Variants in PCDHA12 observed in about 807,000 individuals in gnomAD.
The protein encoded by PCDHA12 is protocadherin alpha 12, also known as protocadherin alpha-12.
PCDHA12 carries 44 observed loss-of-function variants against 60.0 expected under a neutral mutation model. The observed-to-expected ratio is 0.73, with a 90% CI of 0.58 to 0.94. The LOEUF (loss-of-function observed/expected upper bound fraction) is 0.94, where lower values mean the gene tolerates loss of function less well. Ranked by LOEUF, PCDHA12 falls within the 40% of genes least tolerant of loss-of-function variation. The pLI is 0.00. For synonymous variants in PCDHA12, 569 were observed against 553.0 expected (o/e 1.03, Z -0.40); for missense variants, 1,276 against 1,239.7 (o/e 1.03, Z -0.44).
intron 3 of PCDHA12, among the ~76,000 whole-genome samples, chr5:140,990,570 C>T (rs142596715): frequency 7.2e-4 from 110 of 152,260 alleles, no homozygotes; most frequent in African/African-American, 2.4e-3. Context: ...CACACCTGTT[C>T]GATCTCTTTT....
intron 3 of PCDHA12, among the ~76,000 whole-genome samples, chr5:140,990,611 G>A (rs577900189): frequency 6.6e-6 from 1 of 152,116 alleles, no homozygotes; most frequent in Non-Finnish European, 1.5e-5. Context: ...GATGAATACC[G>A]TAAAGGTCTG....
Position 140,875,321 on chromosome 5 carries a change from TC to T in PCDHA12, c.-151del. On this transcript the variant is annotated 5_prime_UTR_variant, in exon 1 of 4. Coordinates refer to ENST00000398631, the MANE Select transcript of PCDHA12 (RefSeq NM_018903.4). ...TTCTCCGCACCCACATTCCAATCAT[TC>T]ACGGAATAGGATCGACTCCATAATG... 1.4e-6 allele frequency: 2 copies of T among 1,427,980 alleles called. No individual in the cohort carries two copies. The highest frequency in any genetic ancestry group is 1.8e-6 in the Non-Finnish European group (2 of 1,094,282). 88.5% of individuals were successfully genotyped at this position (1,427,980 alleles called of 1,614,324 possible). A position where few individuals can be genotyped will look rare whatever the true frequency, so the allele number is the denominator to read the frequency against.
chr5:140,892,901 C>G (rs994625869), intron 1 of PCDHA12, among the ~76,000 whole-genome samples: 1 of 152,196 alleles, frequency 6.6e-6, no homozygotes, highest in African/African-American at 2.4e-5. Flanking sequence ...CTTTCCCCAT[C>G]CTCCTTTTCC....
At chr5:140,980,684 G>GA (rs782726576) in intron 2 of PCDHA12, among the ~76,000 whole-genome samples, 3,276 of 145,132 alleles carry the variant, frequency 0.023, 40 homozygotes, top group Middle Eastern at 0.066. Flanking sequence ...TTTTCAAATT[G>GA]AAAAAAAAAA....
intron 1 of PCDHA12, among the ~76,000 whole-genome samples, chr5:140,936,049 C>A (rs1185871662): frequency 1.3e-5 from 2 of 151,974 alleles, no homozygotes; most frequent in African/African-American, 2.4e-5. Context: ...CCCACCACCA[C>A]ACCCGGCTAA....
intron 1 of PCDHA12, among the ~76,000 whole-genome samples, chr5:140,964,205 T>C (rs1483183685): frequency 6.6e-6 from 1 of 152,212 alleles, no homozygotes; most frequent in Admixed American, 6.5e-5. Context: ...TACCATCTCT[T>C]TAGTACAATG....
intron 1 of PCDHA12, among the ~76,000 whole-genome samples, chr5:140,903,212 A>G (rs1387552422): frequency 6.6e-6 from 1 of 152,192 alleles, no homozygotes; most frequent in African/African-American, 2.4e-5. Context: ...CACCACATTC[A>G]TGCCAACATC....
intron 1 of PCDHA12, among the ~76,000 whole-genome samples, chr5:140,953,629 T>A (rs547651453): frequency 6.6e-6 from 1 of 152,298 alleles, no homozygotes; most frequent in East Asian, 1.9e-4. Context: ...TTGCTTTATG[T>A]ATTTTGGCCA....
chr5:140,966,934 G>A (rs782780798), intron 1 of PCDHA12: 6 of 1,604,080 alleles, frequency 3.7e-6, no homozygotes, highest in South Asian at 2.2e-5. Flanking sequence ...CACCCGGCGC[G>A]CTCGTGGGCA....
chr5:140,903,966 T>A (rs568850758), intron 1 of PCDHA12, among the ~76,000 whole-genome samples: 1 of 152,360 alleles, frequency 6.6e-6, no homozygotes, highest in Admixed American at 6.5e-5. Context: ...TTTGTTGATT[T>A]TTGGTCTATT....
intron 1 of PCDHA12, among the ~76,000 whole-genome samples, chr5:140,905,859 A>T (rs2072155643): frequency 1.3e-5 from 2 of 152,192 alleles, no homozygotes; most frequent in Non-Finnish European, 2.9e-5. Context: ...GTATTAACTC[A>T]CACAATCACA....
chr5:140,919,933 T>C (rs2153555434), intron 1 of PCDHA12, among the ~76,000 whole-genome samples: 1 of 152,222 alleles, frequency 6.6e-6, no homozygotes. Flanking sequence ...AGGTGGGGGC[T>C]AATTCCAGTG....
intron 1 of PCDHA12, among the ~76,000 whole-genome samples, chr5:140,952,753 A>T (rs782624078): frequency 4.6e-5 from 7 of 152,194 alleles, no homozygotes; most frequent in Non-Finnish European, 1.0e-4. Context: ...CTATAAAAAC[A>T]CCTGAGACTG....
At chr5:140,923,306 C>A (rs572766829) in intron 1 of PCDHA12, among the ~76,000 whole-genome samples, 1 of 152,216 alleles carries the variant, frequency 6.6e-6, no homozygotes, top group South Asian at 2.1e-4. Context: ...GGCGTGGGGG[C>A]GCTTGGCCTA....
chr5:140,906,076 C>T (rs541119722), intron 1 of PCDHA12, among the ~76,000 whole-genome samples: 2 of 152,326 alleles, frequency 1.3e-5, no homozygotes, highest in African/African-American at 4.8e-5. Context: ...AGATCGCACC[C>T]ACCCAGACTG....
intron 1 of PCDHA12, among the ~76,000 whole-genome samples, chr5:140,963,667 T>G (rs1206076549): frequency 3.9e-5 from 6 of 152,238 alleles, no homozygotes; most frequent in African/African-American, 1.4e-4. Context: ...CTATATGGCA[T>G]AGTTAAATGT....
At chr5:140,906,891 T>C (rs2073026399) in intron 1 of PCDHA12, among the ~76,000 whole-genome samples, 1 of 152,152 alleles carries the variant, frequency 6.6e-6, no homozygotes, top group South Asian at 2.1e-4. Context: ...CCTTCTTAGA[T>C]TGTTGGTTTA....
chr5:140,942,266 T>A (rs2093257794), intron 1 of PCDHA12, among the ~76,000 whole-genome samples: 1 of 152,134 alleles, frequency 6.6e-6, no homozygotes, highest in South Asian at 2.1e-4. Flanking sequence ...TATCTAAAGC[T>A]GGTAATGGTG....
chr5:140,899,140 G>A (rs2067159296), intron 1 of PCDHA12, among the ~76,000 whole-genome samples: 1 of 152,090 alleles, frequency 6.6e-6, no homozygotes, highest in Non-Finnish European at 1.5e-5. Flanking sequence ...CTGCAAACAG[G>A]GACAATTTGA....
Sources: allele counts gnomAD v4.1 joint callset (sites outside exome capture counted in the v4.1 genomes callset), GRCh38; gene constraint gnomAD v4.1.1; transcripts MANE v1.5; gene names NCBI Gene and HGNC (gene_info 2026-07-23, HGNC 2026-07-21).